PDGFRL: variants seen among roughly 807,000 people sequenced by gnomAD.
PDGFRL encodes the protein platelet-derived growth factor receptor-like protein.
PDGFRL carries 46 observed loss-of-function variants against 37.2 expected under a neutral mutation model. The observed-to-expected ratio is 1.24, with a 90% confidence interval of 0.98 to 1.58. PDGFRL has a LOEUF of 1.58. Ranked by LOEUF, PDGFRL falls within the 40% of genes most tolerant of loss-of-function variation. The pLI, the probability that PDGFRL is intolerant of heterozygous loss-of-function variation, is 0.00. For synonymous variants in PDGFRL, 251 were observed against 184.3 expected (o/e 1.36, Z -2.93); for missense variants, 692 against 467.6 (o/e 1.48, Z -4.43).
intron 2 of PDGFRL, among the ~76,000 whole-genome samples, chr8:17,610,303 G>T (rs976068587): frequency 6.6e-6 from 1 of 152,130 alleles, no homozygotes; most frequent in Admixed American, 6.5e-5. Context: ...GATTAGAATT[G>T]CCAGATTTAT....
intron 1 of PDGFRL, among the ~76,000 whole-genome samples, chr8:17,579,614 T>G (rs1803664967): frequency 6.6e-6 from 1 of 151,290 alleles, no homozygotes; most frequent in African/African-American, 2.4e-5. Flanking sequence ...GTCACCCAGG[T>G]GGAGTGCAGT....
rs1804620654 is a variant in PDGFRL, at chr8:17,621,075, C to T, written c.378C>T (p.Gly126=). The change falls in exon 3 of 6, where the codon GGC becomes GGT. Residue 126 remains glycine, a synonymous_variant. Transcript: ENST00000251630. ...GCGTCAAGCAGAATGAGCGCTACGG[C>T]CAGTTGACTCTGGTCAACTCCACCT... is the stretch of plus-strand genomic sequence containing the variant. ...RLSVKQNERY[G]QLTLVNSTSA... is the part of the protein sequence containing the mutation. 12 of 1,609,312 alleles carry T rather than the reference C, an allele frequency of 7.5e-6. No homozygotes were observed. Among genetic ancestry groups the T allele is most frequent in the Non-Finnish European group, 9.3e-6 (11 of 1,176,820 alleles).
intron 5 of PDGFRL, among the ~76,000 whole-genome samples, chr8:17,635,666 G>C (rs1242289541): frequency 6.6e-6 from 1 of 152,154 alleles, no homozygotes; most frequent in Non-Finnish European, 1.5e-5. Context: ...GGATCAAATG[G>C]TGGTTCTACT....
intron 1 of PDGFRL, 71 bp from the exon 2 acceptor site, chr8:17,589,397 A>G (rs202072289): frequency 0.043 from 51,152 of 1,195,748 alleles, 1,638 homozygotes; most frequent in African/African-American, 0.11. Flanking sequence ...AAAAAAAAAA[A>G]AAGTTATTGG....
In PDGFRL at chr8:17,628,647, C is replaced by T; in HGVS notation, c.666C>T (p.Asp222=). 1 of 1,614,224 alleles carries T rather than the reference C, an allele frequency of 6.2e-7. No individual in the cohort carries two copies. The highest frequency in any genetic ancestry group is 8.5e-7 in the Non-Finnish European group (1 of 1,180,040). The change falls in exon 4 of 6, where the codon GAC becomes GAT. Residue 222 remains aspartate, a synonymous_variant. Coordinates refer to ENST00000251630, the MANE Select transcript of PDGFRL (RefSeq NM_001372073.1). ...PAKEIPANGT[D]IVYDMKRGFV... is the part of the protein sequence containing the mutation. ...AGGAGATCCCAGCCAATGGAACGGA[C>T]ATTGTTTATGACATGAAGCGGGGCT...
At chr8:17,591,291 A>C (rs2720582) in intron 2 of PDGFRL, among the ~76,000 whole-genome samples, 53,974 of 151,990 alleles carry the variant, frequency 0.36, 9,864 homozygotes, top group African/African-American at 0.44. Flanking sequence ...TCAGGAGGCT[A>C]GGCTTCTAGA....
intron 4 of PDGFRL, among the ~76,000 whole-genome samples, chr8:17,632,244 C>T (rs1163328215): frequency 1.3e-5 from 2 of 152,212 alleles, no homozygotes; most frequent in Non-Finnish European, 2.9e-5. Flanking sequence ...AAAAAGGGAT[C>T]AAGCTAGCAT....
chr8:17,579,027 G>A (rs181832698), intron 1 of PDGFRL, among the ~76,000 whole-genome samples: 4 of 152,076 alleles, frequency 2.6e-5, no homozygotes, highest in Admixed American at 1.3e-4. Context: ...GTGAAACCCC[G>A]TCTCTACTAA....
intron 5 of PDGFRL, among the ~76,000 whole-genome samples, chr8:17,641,316 T>C (rs1805088111): frequency 6.6e-6 from 1 of 152,218 alleles, no homozygotes; most frequent in African/African-American, 2.4e-5. Flanking sequence ...GGAAACTGTG[T>C]TTGGTCAAAA....
chr8:17,626,060 AT>A (rs1804727940), intron 3 of PDGFRL, among the ~76,000 whole-genome samples: 1 of 152,230 alleles, frequency 6.6e-6, no homozygotes, highest in Non-Finnish European at 1.5e-5. Flanking sequence ...TATTCGACTA[AT>A]GGCTCTGCTT....
At chr8:17,597,139 G>A (rs1264407147) in intron 2 of PDGFRL, among the ~76,000 whole-genome samples, 2 of 152,192 alleles carry the variant, frequency 1.3e-5, no homozygotes, top group African/African-American at 4.8e-5. Flanking sequence ...TAGTGCCTCA[G>A]CCTCCCGAGT....
chr8:17,616,866 C>T (rs559095459), intron 2 of PDGFRL, among the ~76,000 whole-genome samples: 26 of 152,306 alleles, frequency 1.7e-4, no homozygotes, highest in African/African-American at 6.3e-4. Context: ...AAGGCTCACC[C>T]TTGCCCTTGG....
At chr8:17,581,469 G>A (rs1803706109) in intron 1 of PDGFRL, among the ~76,000 whole-genome samples, 1 of 152,142 alleles carries the variant, frequency 6.6e-6, no homozygotes, top group Non-Finnish European at 1.5e-5. Context: ...AAAGGTAGGT[G>A]CTATGGTTTG....
At chr8:17,579,825 G>C (rs1303194476) in intron 1 of PDGFRL, among the ~76,000 whole-genome samples, 3 of 151,982 alleles carry the variant, frequency 2.0e-5, no homozygotes, top group Admixed American at 1.3e-4. Context: ...ATGAAGATGG[G>C]GAGCTGGAAA....
At chr8:17,603,987 C>T (rs1034144823) in intron 2 of PDGFRL, among the ~76,000 whole-genome samples, 11 of 151,800 alleles carry the variant, frequency 7.2e-5, no homozygotes, top group South Asian at 6.3e-4. Context: ...TAAGATGTGG[C>T]GGTCAGAGGC....
chr8:17,626,445 T>C (rs773502419), intron 3 of PDGFRL, among the ~76,000 whole-genome samples: 16 of 152,180 alleles, frequency 1.1e-4, no homozygotes. Flanking sequence ...AGGATCTCCG[T>C]GTTAGTGAAC....
intron 1 of PDGFRL, 127 bp downstream of exon 1, chr8:17,577,434 A>G (rs995791638): frequency 7.7e-6 from 6 of 778,394 alleles, no homozygotes; most frequent in Middle Eastern, 6.7e-4. Flanking sequence ...CCCCCGCGCC[A>G]CTGCCTGCCC....
intron 2 of PDGFRL, among the ~76,000 whole-genome samples, chr8:17,618,689 T>C (rs530825241): frequency 1.9e-4 from 29 of 152,310 alleles, no homozygotes; most frequent in African/African-American, 6.7e-4. Context: ...CCAGATTCTT[T>C]CCTTTTCCAT....
chr8:17,636,611 T>A (rs1463710607), intron 5 of PDGFRL, among the ~76,000 whole-genome samples: 1 of 151,976 alleles, frequency 6.6e-6, no homozygotes, highest in Non-Finnish European at 1.5e-5. Flanking sequence ...CTTTTTTGGT[T>A]CCACATGAAT....
Sources: allele counts gnomAD v4.1 joint callset (sites outside exome capture counted in the v4.1 genomes callset), GRCh38; gene constraint gnomAD v4.1.1; transcripts MANE v1.5; gene names NCBI Gene and HGNC (gene_info 2026-07-23, HGNC 2026-07-21).